ZBTB7C: variants seen among roughly 807,000 people sequenced by gnomAD.
ZBTB7C encodes zinc finger and BTB domain containing 7C.
Under a neutral mutation model 25.7 loss-of-function variants are expected in ZBTB7C, and 8 were observed. The ratio of observed to expected loss-of-function variants is 0.31; its 90% CI spans 0.18 to 0.56. The LOEUF (loss-of-function observed/expected upper bound fraction) is 0.56. ZBTB7C is among the 20% of genes least tolerant of loss of function. The probability of loss-of-function intolerance (pLI) is 0.91; values close to 1 mark genes in which losing one functional copy is unlikely to be tolerated. For synonymous variants in ZBTB7C, 394 were observed against 369.0 expected, an observed-to-expected ratio of 1.07 and a Z score of -0.78; for missense variants, 824 against 855.2, an observed-to-expected ratio of 0.96 and a Z score of 0.46.
chr18:48,347,124 GTTT>G lies in ZBTB7C; in HGVS notation c.-303-8729_-303-8727del, dbSNP rs1158209713. On this transcript the variant is annotated intron_variant, in intron 1 of 4. Transcript: ENST00000590800. Reference sequence around the variant, plus strand: ...ATAGAGTGATTCCCAGTTTTTGTTTGTTTTTTTTTTTTTTTTTTTTTTTTGAGA... The same window carrying G: ...ATAGAGTGATTCCCAGTTTTTGTTTGTTTTTTTTTTTTTTTTTTTTTGAGA... Among the ~76,000 whole-genome samples, 599 of 80,382 alleles carry G rather than the reference GTTT, an allele frequency of 7.5e-3. 3 individuals are homozygous for G. The highest frequency in any genetic ancestry group is 0.017 in the South Asian group (29 of 1,730). The allele number at this position is 80,382 out of a possible 152,430, so 52.7% of individuals were successfully genotyped here.
chr18:48,350,898 A>G (rs1012810084), intron 1 of ZBTB7C, among the ~76,000 whole-genome samples: 4 of 151,928 alleles, frequency 2.6e-5, no homozygotes, highest in African/African-American at 4.8e-5. Context: ...ATACCCTTCC[A>G]GTCTGTGGAT....
rs549166430 is a variant in ZBTB7C at position 48,376,084 on chromosome 18, A to G, written c.-304+33142T>C. Among the ~76,000 whole-genome samples, 3 of 152,294 alleles carry G rather than the reference A, an allele frequency of 2.0e-5. No individual in the cohort carries two copies. The South Asian group carries it at 6.2e-4, about 32-fold the overall frequency. ...TGGGACTGGGGAATTTGCTTTCCTCACCAGCTCCCAGGTGATGTGGATGCT... is the reference window on the plus strand; with the variant it reads ...TGGGACTGGGGAATTTGCTTTCCTCGCCAGCTCCCAGGTGATGTGGATGCT... On this transcript the variant is annotated intron_variant, in intron 1 of 4. Coordinates refer to ENST00000590800, the MANE Select transcript of ZBTB7C (RefSeq NM_001318841.2).
chr18:48,039,983 C>G lies in ZBTB7C; in HGVS notation c.1125G>C (p.Gly375=), dbSNP rs2036146611. 3 of 1,614,084 alleles carry G rather than the reference C, an allele frequency of 1.9e-6. No homozygotes were observed. The highest frequency in any genetic ancestry group is 1.1e-5 in the South Asian group (1 of 91,080). The change falls in exon 4 of 5, where the codon GGG becomes GGC. Residue 375 remains glycine (G), a synonymous_variant. Transcript: ENST00000590800. ...QCPICHKVIM[G]AGKLPRHMRT... ...TCATGTGCCGCGGCAGCTTCCCGGCCCCCATGATGACTTTGTGGCAGATGG... is the reference window on the plus strand; with the variant it reads ...TCATGTGCCGCGGCAGCTTCCCGGCGCCCATGATGACTTTGTGGCAGATGG...
chr18:48,100,674 G>C (rs1041039417), intron 3 of ZBTB7C, among the ~76,000 whole-genome samples: 2 of 152,130 alleles, frequency 1.3e-5, no homozygotes, highest in Admixed American at 1.3e-4. Flanking sequence ...ACTGTTATCC[G>C]GGGTTTCTAT....
At chr18:48,232,157 C>T (rs1599153002) in intron 2 of ZBTB7C, among the ~76,000 whole-genome samples, 1 of 152,204 alleles carries the variant, frequency 6.6e-6, no homozygotes, top group South Asian at 2.1e-4. Context: ...CACTACTGGC[C>T]ACAGAGGTTT....
chr18:48,036,652 T>C (rs2035984037), intron 4 of ZBTB7C, among the ~76,000 whole-genome samples: 1 of 152,142 alleles, frequency 6.6e-6, no homozygotes, highest in Non-Finnish European at 1.5e-5. Flanking sequence ...GGGTCCTTGC[T>C]GCGGGGACAA....
At position 48,039,926 on chromosome 18, in the gene ZBTB7C, G is replaced by A. The variant is rs767298413; in HGVS notation, c.1182C>T (p.Cys394=). 5 of 1,613,382 alleles carry A rather than the reference G, an allele frequency of 3.1e-6. No homozygotes were observed. Among genetic ancestry groups the A allele is most frequent in the Non-Finnish European group, 4.2e-6 (5 of 1,180,034 alleles). The change falls in exon 4 of 5, where the codon TGC becomes TGT. Residue 394 remains cysteine, a synonymous_variant. Coordinates refer to ENST00000590800, the MANE Select transcript of ZBTB7C (RefSeq NM_001318841.2). ...TGGTGAAGCGGACCTCGCAGATGGT[G>A]CACATGTATGGCTTCTCCCCGGTAT... ...RTHTGEKPYM[C]TICEVRFTRQ... is the part of the protein sequence containing the mutation.
Position 48,055,468 on chromosome 18 carries a change from T to C in ZBTB7C, c.-16-14345A>G, listed in dbSNP as rs190797347. Among the ~76,000 whole-genome samples, 5 of 136,014 alleles carry C rather than the reference T, an allele frequency of 3.7e-5. No homozygotes were observed. In the Admixed American group the frequency reaches 3.7e-4, roughly 10 times the overall value. 89.2% of individuals were successfully genotyped at this position (136,014 alleles called of 152,430 possible). A position where few individuals can be genotyped will look rare whatever the true frequency, so the allele number is the denominator to read the frequency against. On this transcript the variant is annotated intron_variant, in intron 3 of 4. Coordinates refer to ENST00000590800, the MANE Select transcript of ZBTB7C (RefSeq NM_001318841.2). ...ACGGGCTGGGTGCTACAATCAGGAA[T>C]ATGGAAGCCAGCAAGTCAGAGCTAG...
chr18:48,395,966 G>T (rs1480502535), intron 1 of ZBTB7C, among the ~76,000 whole-genome samples: 1 of 152,198 alleles, frequency 6.6e-6, no homozygotes, highest in Non-Finnish European at 1.5e-5. Context: ...GGAGGTGGTG[G>T]AATCTGGTGC....
At chr18:48,128,025 C>T (rs2039862709) in intron 3 of ZBTB7C, among the ~76,000 whole-genome samples, 1 of 152,220 alleles carries the variant, frequency 6.6e-6, no homozygotes, top group Non-Finnish European at 1.5e-5. Flanking sequence ...TTTATGTTCG[C>T]TCCATTTGTT....
At chr18:48,118,999 T>G (rs1276770999) in intron 3 of ZBTB7C, among the ~76,000 whole-genome samples, 1 of 152,130 alleles carries the variant, frequency 6.6e-6, no homozygotes, top group African/African-American at 2.4e-5. Context: ...ATAAATTATT[T>G]TATAACTAAA....
chr18:48,199,400 C>A (rs942116670), intron 2 of ZBTB7C, among the ~76,000 whole-genome samples: 3 of 151,972 alleles, frequency 2.0e-5, no homozygotes, highest in African/African-American at 7.3e-5. Flanking sequence ...TCCGTCATTT[C>A]TCTCCCTCAA....
chr18:48,377,111 G>A (rs374913263), intron 1 of ZBTB7C, among the ~76,000 whole-genome samples: 5 of 152,190 alleles, frequency 3.3e-5, no homozygotes, highest in Admixed American at 1.3e-4. Flanking sequence ...GCCTCCTGCA[G>A]GTTCCAGAGG....
At chr18:48,147,930 A>G (rs888777256) in intron 3 of ZBTB7C, 1 of 151,594 alleles carries the variant, frequency 6.6e-6, no homozygotes, top group African/African-American at 2.4e-5. Context: ...GCTTTTTTAA[A>G]ACAGAAATGA....
chr18:48,081,606 C>T (rs2037989282), intron 3 of ZBTB7C, among the ~76,000 whole-genome samples: 1 of 152,030 alleles, frequency 6.6e-6, no homozygotes. Context: ...CTTTACAATA[C>T]CACCATCAAG....
chr18:48,348,607 A>C (rs113817476), intron 1 of ZBTB7C, among the ~76,000 whole-genome samples: 3,841 of 152,348 alleles, frequency 0.025, 102 homozygotes, highest in African/African-American at 0.063. Flanking sequence ...ACTTGAGGTC[A>C]GGACTTCGAG....
chr18:48,267,491 C>G (rs760223304), intron 2 of ZBTB7C, among the ~76,000 whole-genome samples: 1 of 152,170 alleles, frequency 6.6e-6, no homozygotes, highest in African/African-American at 2.4e-5. Flanking sequence ...AATATGGTAA[C>G]CAAGGCCAGA....
At chr18:48,130,710 G>C (rs937423805) in intron 3 of ZBTB7C, among the ~76,000 whole-genome samples, 2 of 152,136 alleles carry the variant, frequency 1.3e-5, no homozygotes, top group Non-Finnish European at 2.9e-5. Flanking sequence ...TGAGCCAGCT[G>C]TGTGAATCTC....
chr18:48,067,232 C>T (rs1480978540), intron 3 of ZBTB7C, among the ~76,000 whole-genome samples: 9 of 152,184 alleles, frequency 5.9e-5, no homozygotes, highest in African/African-American at 2.2e-4. Flanking sequence ...AGTGAAGGAG[C>T]TGGATTTTAC....
Sources: gnomAD v4.1 joint callset for allele counts (sites outside exome capture counted in the v4.1 genomes callset) on GRCh38, gnomAD v4.1.1 for gene constraint, MANE v1.5 for transcripts, NCBI Gene and HGNC (gene_info 2026-07-23, HGNC 2026-07-21) for gene names.